The following PCSK2 variants were observed in gnomAD, a reference collection of about 807,000 sequenced individuals.
PCSK2 encodes neuroendocrine convertase 2.
Under a neutral mutation model 69.7 loss-of-function variants are expected in PCSK2, and 14 were observed. The ratio of observed to expected loss-of-function variants is 0.20; its 90% CI spans 0.13 to 0.31. The LOEUF (loss-of-function observed/expected upper bound fraction) is 0.31. Among genes scored for constraint, PCSK2 ranks in the 10% least tolerant of loss-of-function variants. The pLI, the probability that PCSK2 is intolerant of heterozygous loss-of-function variation, is 1.00. For synonymous variants in PCSK2, 307 were observed against 320.7 expected (o/e 0.96, Z 0.46); for missense variants, 544 against 842.5 (o/e 0.65, Z 4.39).
At chr20:17,468,165 G>A (rs2033135552) in intron 11 of PCSK2, among the ~76,000 whole-genome samples, 1 of 151,378 alleles carries the variant, frequency 6.6e-6, no homozygotes, top group Non-Finnish European at 1.5e-5. Flanking sequence ...GCCCACCATA[G>A]GTCAGCATCC....
chr20:17,331,631 T>C (rs751963092), intron 2 of PCSK2, among the ~76,000 whole-genome samples: 14 of 152,242 alleles, frequency 9.2e-5, no homozygotes, highest in South Asian at 2.1e-4. Context: ...GAAAAACAGA[T>C]CTTGGGGCAC....
chr20:17,440,479 T>C (rs897609666), intron 8 of PCSK2, among the ~76,000 whole-genome samples: 4 of 152,170 alleles, frequency 2.6e-5, no homozygotes. Context: ...ACGGGTGGGC[T>C]GTGTGATGAC....
intron 6 of PCSK2, among the ~76,000 whole-genome samples, chr20:17,416,244 C>A (rs2031996786): frequency 6.6e-6 from 1 of 152,192 alleles, no homozygotes; most frequent in Admixed American, 6.5e-5. Flanking sequence ...AGGCAGCCTG[C>A]AGAATGGGAG....
intron 8 of PCSK2, among the ~76,000 whole-genome samples, chr20:17,442,758 G>A (rs904213380): frequency 6.6e-6 from 1 of 152,120 alleles, no homozygotes; most frequent in Non-Finnish European, 1.5e-5. Flanking sequence ...GGAAATTGAC[G>A]AACACTAAAA....
intron 10 of PCSK2, among the ~76,000 whole-genome samples, chr20:17,460,760 A>G (rs1188805332): frequency 6.6e-6 from 1 of 152,230 alleles, no homozygotes. Context: ...TTAAATATTG[A>G]GGTCAATACT....
intron 5 of PCSK2, among the ~76,000 whole-genome samples, chr20:17,391,681 G>A (rs963410869): frequency 1.3e-5 from 2 of 152,184 alleles, no homozygotes; most frequent in Admixed American, 1.3e-4. Flanking sequence ...AACAGAGACA[G>A]TGGGACCCCA....
At chr20:17,329,628 T>G (rs1008949741) in intron 2 of PCSK2, among the ~76,000 whole-genome samples, 1 of 152,240 alleles carries the variant, frequency 6.6e-6, no homozygotes, top group African/African-American at 2.4e-5. Context: ...AGCTAACACG[T>G]GCATATCTTT....
In PCSK2 at chr20:17,481,858, A is replaced by C. The variant is rs1331583089; in HGVS notation, c.1705A>C (p.Thr569Pro). The change falls in exon 12 of 12, where the codon ACC (threonine) becomes CCC (proline). Residue 569 changes from threonine to proline, a missense_variant. By Grantham distance (38) the Thr-to-Pro change is conservative (BLOSUM62 -1). Around this residue, in one of 3 missense-constraint regions of PCSK2, gnomAD observed 200 missense variants for 287.8 expected, o/e 0.69. Transcript: ENST00000262545. ...TWGEDARGTW[T>P]LELGFVGSAP... The stretch of plus-strand genomic sequence containing the variant: ...GGGGGAAGACGCCCGAGGCACCTGG[A>C]CCCTGGAGCTGGGATTTGTCGGCAG... The C allele has an allele frequency of 6.2e-7, 1 of 1,613,906 alleles. No homozygotes were observed.
chr20:17,262,164 G>A (rs1987414804), intron 2 of PCSK2, among the ~76,000 whole-genome samples: 3 of 152,164 alleles, frequency 2.0e-5, no homozygotes, highest in African/African-American at 7.2e-5. Context: ...ATCAGTCACT[G>A]GTGATTCTAA....
In PCSK2 at chr20:17,240,772, C is replaced by T. The variant is rs75337229; in HGVS notation, c.177+13290C>T. On this transcript the variant is annotated intron_variant, in intron 1 of 11. Coordinates refer to ENST00000262545, the MANE Select transcript of PCSK2 (RefSeq NM_002594.5). Reference sequence around the variant, plus strand: ...TAGGGGGTACATCATAGTTTGAATCCCATTGTGGACTGTTAGCCCAGCCCT... The same window carrying T: ...TAGGGGGTACATCATAGTTTGAATCTCATTGTGGACTGTTAGCCCAGCCCT... Among the ~76,000 whole-genome samples, 821 of 152,188 alleles carry T rather than the reference C, an allele frequency of 5.4e-3. 3 individuals are homozygous for T. The highest frequency in any genetic ancestry group is 0.014 in the Middle Eastern group (4 of 294).
chr20:17,301,169 G>A (rs758433367), intron 2 of PCSK2, among the ~76,000 whole-genome samples: 12 of 152,186 alleles, frequency 7.9e-5, no homozygotes, highest in Non-Finnish European at 1.3e-4. Context: ...TGTATTTGAC[G>A]TTAGAAATTT....
At chr20:17,307,139 T>G (rs540949820) in intron 2 of PCSK2, among the ~76,000 whole-genome samples, 7 of 152,334 alleles carry the variant, frequency 4.6e-5, no homozygotes, top group African/African-American at 1.7e-4. Flanking sequence ...CTTTATCTTC[T>G]TAATTTGACA....
intron 4 of PCSK2, among the ~76,000 whole-genome samples, chr20:17,361,890 T>C (rs1296562728): frequency 6.6e-6 from 1 of 152,218 alleles, no homozygotes; most frequent in Non-Finnish European, 1.5e-5. Flanking sequence ...CTCACACTTG[T>C]TCTTGAAAAC....
chr20:17,388,349 A>C (rs759008362), intron 5 of PCSK2, among the ~76,000 whole-genome samples: 35 of 152,106 alleles, frequency 2.3e-4, no homozygotes, highest in African/African-American at 8.2e-4. Context: ...GTGAACAAGA[A>C]AGGAGGCAGG....
chr20:17,437,947 A>G (rs1479463117), intron 8 of PCSK2, among the ~76,000 whole-genome samples: 1 of 151,950 alleles, frequency 6.6e-6, no homozygotes, highest in Non-Finnish European at 1.5e-5. Flanking sequence ...AGGCTTACGC[A>G]GTCTTCTCAG....
chr20:17,476,407 C>G (rs2033290051), intron 11 of PCSK2, among the ~76,000 whole-genome samples: 1 of 152,202 alleles, frequency 6.6e-6, no homozygotes, highest in Non-Finnish European at 1.5e-5. Flanking sequence ...TTCATTTCAG[C>G]ACTCACATGA....
intron 2 of PCSK2, among the ~76,000 whole-genome samples, chr20:17,318,338 G>A (rs1164989259): frequency 1.3e-5 from 2 of 152,258 alleles, no homozygotes; most frequent in East Asian, 1.9e-4. Context: ...GCATGTTACC[G>A]GCTCCTGATG....
intron 5 of PCSK2, among the ~76,000 whole-genome samples, chr20:17,395,360 A>G (rs1462702127): frequency 1.3e-5 from 2 of 152,178 alleles, no homozygotes; most frequent in Non-Finnish European, 2.9e-5. Flanking sequence ...TTAGGTCTTA[A>G]TGTTCTCACT....
intron 2 of PCSK2, among the ~76,000 whole-genome samples, chr20:17,306,593 A>G (rs1230483719): frequency 1.3e-5 from 2 of 152,210 alleles, no homozygotes; most frequent in African/African-American, 4.8e-5. Context: ...CACTGAAGGG[A>G]GGACACTGTT....
Sources: gnomAD v4.1 joint callset for allele counts (sites outside exome capture counted in the v4.1 genomes callset) on GRCh38, gnomAD v4.1.1 for gene constraint, gnomAD v4.1.1 regional missense constraint, MANE v1.5 for transcripts, NCBI Gene and HGNC (gene_info 2026-07-23, HGNC 2026-07-21) for gene names.